Variants in PCDHGB5 observed in about 807,000 individuals in gnomAD.
PCDHGB5 encodes protocadherin gamma-B5.
Under a neutral mutation model 62.9 loss-of-function variants are expected in PCDHGB5, and 48 were observed. The observed-to-expected ratio is 0.76, with a 90% CI of 0.61 to 0.97. The LOEUF (loss-of-function observed/expected upper bound fraction) is 0.97, where lower values mean the gene tolerates loss of function less well. PCDHGB5 is among the 50% of genes least tolerant of loss of function. The pLI, the probability that PCDHGB5 is intolerant of heterozygous loss-of-function variation, is 0.00. For missense variants in PCDHGB5, 1,118 were observed against 1,198.6 expected (o/e 0.93, Z 0.99); for synonymous variants, 474 against 511.2 (o/e 0.93, Z 0.98).
chr5:141,505,509 G>A (rs778054090), intron 3 of PCDHGB5, 28 bp downstream of exon 3: 1 of 1,613,940 alleles, frequency 6.2e-7, no homozygotes, highest in Non-Finnish European at 8.5e-7. Context: ...GTGTATGGAA[G>A]AGTGGGAGAC....
At chr5:141,463,075 A>G (rs943294678) in intron 1 of PCDHGB5, among the ~76,000 whole-genome samples, 3 of 152,180 alleles carry the variant, frequency 2.0e-5, no homozygotes, top group East Asian at 1.9e-4. Context: ...ATGAAATTCA[A>G]ACATTTTCCA....
At chr5:141,403,740 C>T in intron 1 of PCDHGB5, 1 of 1,613,920 alleles carries the variant, frequency 6.2e-7, no homozygotes, top group Non-Finnish European at 8.5e-7. Flanking sequence ...TGGCTGCTTA[C>T]TGCAACAGCC....
At chr5:141,404,615 C>T in intron 1 of PCDHGB5, 5 of 1,614,122 alleles carry the variant, frequency 3.1e-6, no homozygotes, top group Non-Finnish European at 4.2e-6. Flanking sequence ...TGTTTTGGAC[C>T]AGAATGACAA....
chr5:141,410,103 A>G, intron 1 of PCDHGB5: 1 of 1,612,622 alleles, frequency 6.2e-7, no homozygotes, highest in South Asian at 1.1e-5. Flanking sequence ...GCCTTAGGCG[A>G]CAGGGACGCA....
rs766038218 is a variant in PCDHGB5 at position 141,398,581 on chromosome 5, T to C, written c.454T>C (p.Phe152Leu). The stretch of plus-strand genomic sequence containing the variant: ...TGAGTCTGCACAGCCTGGCACAAGA[T>C]TTATACTAGAAGTAGCAGAAGATGC... ...ISESAQPGTR[F>L]ILEVAEDADI... The change falls in exon 1 of 4, where the codon TTT becomes CTT. Residue 152 changes from phenylalanine to leucine, a missense_variant. Physicochemically the swap from Phe to Leu is conservative, Grantham distance 22. Transcript: ENST00000617380. The C allele has an allele frequency of 1.2e-5, 20 of 1,614,028 alleles. No individual in the cohort carries two copies. In the Admixed American group the frequency reaches 2.2e-4, roughly 17 times the overall value.
Position 141,476,598 on chromosome 5 carries a change from A to G in PCDHGB5, c.2398-18209A>G, listed in dbSNP as rs1222456783. The G allele has an allele frequency of 6.2e-7, 1 of 1,614,238 alleles. No homozygotes were observed. Among genetic ancestry groups the G allele is most frequent in the South Asian group, 1.1e-5 (1 of 91,088 alleles). On this transcript the variant is annotated intron_variant, in intron 1 of 3. Transcript: ENST00000617380. This position sits in a 1 kb window ranked among gnomAD's most constrained non-coding sequence, Gnocchi z 7.6. ...CGCTTTCCGCTCGAGAGCGCGCACG[A>G]TCCCGATGTGGGAAGCAACTCTTTA... is the stretch of plus-strand genomic sequence containing the variant.
intron 1 of PCDHGB5, among the ~76,000 whole-genome samples, chr5:141,449,594 A>T (rs2098647409): frequency 6.6e-6 from 1 of 150,814 alleles, no homozygotes; most frequent in Non-Finnish European, 1.5e-5. Context: ...GTCTCAAAAA[A>T]AAAAAAAAAA....
At chr5:141,481,913 CAAAA>C (rs34114744) in intron 1 of PCDHGB5, among the ~76,000 whole-genome samples, 1 of 90,848 alleles carries the variant, frequency 1.1e-5, no homozygotes, top group Non-Finnish European at 2.2e-5. Context: ...AACTCCATCT[CAAAA>C]AAAAAAAAAA....
rs1387036035 is a variant in PCDHGB5, at chr5:141,432,158, A to G, written c.2397+31634A>G. ...CGCTTATATCCCAGAGAACAATCCC[A>G]GAGGAGTTTCCCTCGTCTCTGTGAC... is the stretch of plus-strand genomic sequence containing the variant. On this transcript the variant is annotated intron_variant, in intron 1 of 3. Coordinates refer to ENST00000617380, the MANE Select transcript of PCDHGB5 (RefSeq NM_018925.3). The surrounding 1 kb of genome is among the most constrained non-coding windows in gnomAD (Gnocchi z 6.0). The G allele has an allele frequency of 6.2e-7, 1 of 1,613,932 alleles. No individual in the cohort carries two copies. Among genetic ancestry groups the G allele is most frequent in the Non-Finnish European group, 8.5e-7 (1 of 1,180,002 alleles).
chr5:141,410,623 G>A (rs2154543147), intron 1 of PCDHGB5: 1 of 1,603,052 alleles, frequency 6.2e-7, no homozygotes, highest in Non-Finnish European at 8.5e-7. Flanking sequence ...TGACTTCGGT[G>A]AGTTTCTCTT....
At chr5:141,408,651 C>G (rs373860648) in intron 1 of PCDHGB5, 3 of 1,614,012 alleles carry the variant, frequency 1.9e-6, no homozygotes, top group South Asian at 1.1e-5. Context: ...TCCGCTGGTA[C>G]ACGACTATCG....
chr5:141,465,430 C>T (rs1212434943), intron 1 of PCDHGB5, among the ~76,000 whole-genome samples: 2 of 152,150 alleles, frequency 1.3e-5, no homozygotes, highest in Non-Finnish European at 2.9e-5. Context: ...AAGGTGGGCA[C>T]TTAATGATTA....
At chr5:141,445,070 A>G (rs185808898) in intron 1 of PCDHGB5, among the ~76,000 whole-genome samples, 30 of 152,306 alleles carry the variant, frequency 2.0e-4, no homozygotes, top group African/African-American at 7.2e-4. Context: ...TATATTTCTC[A>G]TTAAATTGTC....
intron 1 of PCDHGB5, among the ~76,000 whole-genome samples, chr5:141,454,458 G>A (rs535843071): frequency 5.3e-5 from 8 of 152,322 alleles, no homozygotes; most frequent in Non-Finnish European, 1.5e-5. Flanking sequence ...CCAGGCTGGA[G>A]TGCAATGGCA....
chr5:141,431,884 T>A lies in PCDHGB5; in HGVS notation c.2397+31360T>A. ...CCCTTTTAAATGTAAATGACCAAGA[T>A]TCTGAGGAAAACGGACAGGTGATCT... On this transcript the variant is annotated intron_variant, in intron 1 of 3. Transcript: ENST00000617380. This position sits in a 1 kb window ranked among gnomAD's most constrained non-coding sequence, Gnocchi z 4.8. 1.2e-6 allele frequency: 2 copies of A among 1,614,218 alleles called. No individual in the cohort carries two copies. Among genetic ancestry groups the A allele is most frequent in the Non-Finnish European group, 1.7e-6 (2 of 1,180,008 alleles).
intron 1 of PCDHGB5, chr5:141,402,829 T>C: frequency 7.5e-7 from 1 of 1,342,036 alleles, no homozygotes; most frequent in Non-Finnish European, 9.8e-7. Flanking sequence ...GCTCCCAGGC[T>C]GCAGCAAAAC....
chr5:141,431,194 T>C lies in PCDHGB5; in HGVS notation c.2397+30670T>C. On this transcript the variant is annotated intron_variant, in intron 1 of 3. Coordinates refer to ENST00000617380, the MANE Select transcript of PCDHGB5 (RefSeq NM_018925.3). The surrounding 1 kb of genome is among the most constrained non-coding windows in gnomAD (Gnocchi z 4.8). ...AATTAGAAATAAAAATTAGTGAAAA[T>C]GCAGCCACTGAGATGCGGTTCCCTC... The C allele has an allele frequency of 6.2e-7, 1 of 1,614,124 alleles. No homozygotes were observed.
chr5:141,454,493 A>G (rs1328573277), intron 1 of PCDHGB5, among the ~76,000 whole-genome samples: 1 of 151,866 alleles, frequency 6.6e-6, no homozygotes, highest in Non-Finnish European at 1.5e-5. Context: ...CGCAACCTCC[A>G]CCTCCTGGAT....
At chr5:141,509,782 C>A (rs2099878218) in intron 3 of PCDHGB5, among the ~76,000 whole-genome samples, 1 of 152,144 alleles carries the variant, frequency 6.6e-6, no homozygotes, top group Admixed American at 6.5e-5. Context: ...TCCCCGAGAT[C>A]ATCATCTCCT....
Sources: gnomAD v4.1 joint callset for allele counts (sites outside exome capture counted in the v4.1 genomes callset) on GRCh38, gnomAD v4.1.1 for gene constraint, Gnocchi (gnomAD v3.1) non-coding constraint, MANE v1.5 for transcripts, NCBI Gene and HGNC (gene_info 2026-07-23, HGNC 2026-07-21) for gene names.